KDM2B: variants seen among roughly 807,000 people sequenced by gnomAD.
KDM2B encodes lysine-specific demethylase 2B.
Under a neutral mutation model 150.0 loss-of-function variants are expected in KDM2B, and 26 were observed. That is an observed-to-expected ratio of 0.17 (90% CI 0.13 to 0.24). The LOEUF (loss-of-function observed/expected upper bound fraction) is 0.24, where lower values mean the gene tolerates loss of function less well. Ranked by LOEUF, KDM2B falls within the 10% of genes least tolerant of loss-of-function variation. KDM2B has a pLI of 1.00. For missense variants in KDM2B, 1,265 were observed against 1,816.9 expected (o/e 0.70, Z 5.52); for synonymous variants, 734 against 729.5 (o/e 1.01, Z -0.10).
chr12:121,557,948 C>T (rs1016941930), intron 4 of KDM2B, among the ~76,000 whole-genome samples: 2 of 152,154 alleles, frequency 1.3e-5, no homozygotes, highest in Admixed American at 6.6e-5. Context: ...CTGGTATAAG[C>T]GGATCACGGG....
rs782446879 is a variant in KDM2B at position 121,521,077 on chromosome 12, G to T, written c.955C>A (p.Pro319Thr). 6.2e-7 allele frequency: 1 copy of T among 1,613,496 alleles called. No individual in the cohort carries two copies. Among genetic ancestry groups the T allele is most frequent in the Admixed American group, 1.7e-5 (1 of 60,020 alleles). Residue 319 changes from proline to threonine, a missense_variant, in exon 9 of 23, where the codon CCT (proline) becomes ACT (threonine). Physicochemically the swap from Pro to Thr is conservative, Grantham distance 38. Transcript: ENST00000377071. This position sits in a 1 kb window ranked among gnomAD's most constrained non-coding sequence, Gnocchi z 4.9. ...PSGWIHAVYT[P>T]VDSLVFGGNI... ...CCGCCGAACACCAAAGAGTCTACAG[G>T]GGTGTAGACGGCATGGATCCAACCT...
downstream of KDM2B, among the ~76,000 whole-genome samples, chr12:121,426,376 T>A (rs1872511421): frequency 6.6e-6 from 1 of 152,010 alleles, no homozygotes; most frequent in Non-Finnish European, 1.5e-5. Flanking sequence ...GAAATTGGCT[T>A]GTTTGGCAGA....
chr12:121,423,188 G>A, the KDM2B span, among the ~76,000 whole-genome samples: 1 of 152,222 alleles, frequency 6.6e-6, no homozygotes, highest in Non-Finnish European at 1.5e-5. This position sits in a 1 kb window ranked among gnomAD's most constrained non-coding sequence, Gnocchi z 4.3. Context: ...AAACCCTGAG[G>A]TATAGCTTTT....
At chr12:121,496,465 T>G (rs1370318119) in intron 11 of KDM2B, among the ~76,000 whole-genome samples, 1 of 151,818 alleles carries the variant, frequency 6.6e-6, no homozygotes, top group Non-Finnish European at 1.5e-5. Context: ...TGACTCCAGC[T>G]TACTTCCAGT....
intron 6 of KDM2B, 91 bp from the exon 7 acceptor site, chr12:121,534,681 C>T: frequency 2.3e-6 from 2 of 866,790 alleles, no homozygotes; most frequent in Admixed American, 4.6e-5. Context: ...AACTGGTGCC[C>T]TTTTATAAAC....
chr12:121,453,880 C>T lies in KDM2B; in HGVS notation c.1735-536G>A, dbSNP rs1286300137. On this transcript the variant is annotated intron_variant, in intron 12 of 22. Transcript: ENST00000377071. This position sits in a 1 kb window ranked among gnomAD's most constrained non-coding sequence, Gnocchi z 6.4. ...ACGACAGAGGGCGCGTGCTTCTTGC[C>T]GCAGCACACAGCTCGAGACCTTCCA... is the stretch of plus-strand genomic sequence containing the variant. Among the ~76,000 whole-genome samples, 4 of 152,164 alleles carry T rather than the reference C, an allele frequency of 2.6e-5. No individual in the cohort carries two copies. The highest frequency in any genetic ancestry group is 7.2e-5 in the African/African-American group (3 of 41,430).
At chr12:121,514,116 G>A (rs138307866) in intron 9 of KDM2B, among the ~76,000 whole-genome samples, 6 of 152,216 alleles carry the variant, frequency 3.9e-5, no homozygotes, top group African/African-American at 1.2e-4. Flanking sequence ...ACACATCTCG[G>A]GTCTGGAGCA....
the KDM2B span, among the ~76,000 whole-genome samples, chr12:121,410,154 CA>C: frequency 6.7e-6 from 1 of 148,906 alleles, no homozygotes; most frequent in East Asian, 2.0e-4. Flanking sequence ...AACTCCGTCT[CA>C]AAAAAAAAGA....
intron 6 of KDM2B, among the ~76,000 whole-genome samples, chr12:121,544,283 G>C (rs1199889068): frequency 6.6e-6 from 1 of 151,934 alleles, no homozygotes; most frequent in Non-Finnish European, 1.5e-5. Flanking sequence ...AACAAAGCAA[G>C]ACTCTGTCTC....
Position 121,468,285 on chromosome 12 carries a change from T to C in KDM2B, c.1735-14941A>G, listed in dbSNP as rs1555295275. 1 of 152,140 alleles carries C rather than the reference T, an allele frequency of 6.6e-6. No individual in the cohort carries two copies. Among genetic ancestry groups the C allele is most frequent in the African/African-American group, 2.4e-5 (1 of 41,412 alleles). The allele number at this position is 152,140 out of a possible 1,614,324, so 9.4% of individuals were successfully genotyped here. On this transcript the variant is annotated intron_variant, in intron 12 of 22. Coordinates refer to ENST00000377071, the MANE Select transcript of KDM2B (RefSeq NM_032590.5). This position sits in a 1 kb window ranked among gnomAD's most constrained non-coding sequence, Gnocchi z 4.0. Reference sequence around the variant, plus strand: ...GCTGCAGCCCACTCCTGAAGAAAAGTGTTGCTAGAAATCCAGATAGATCTT... The same window carrying C: ...GCTGCAGCCCACTCCTGAAGAAAAGCGTTGCTAGAAATCCAGATAGATCTT...
intron 11 of KDM2B, among the ~76,000 whole-genome samples, chr12:121,495,861 G>A (rs918558104): frequency 2.6e-5 from 4 of 151,816 alleles, no homozygotes; most frequent in African/African-American, 7.3e-5. Context: ...ATGGAGTCAC[G>A]TGGCCAAATT....
At chr12:121,536,654 G>A (rs560547789) in intron 6 of KDM2B, among the ~76,000 whole-genome samples, 5 of 148,666 alleles carry the variant, frequency 3.4e-5, no homozygotes, top group African/African-American at 7.6e-5. Context: ...CCATCTCTTC[G>A]TCTTGGTTTT....
downstream of KDM2B, among the ~76,000 whole-genome samples, chr12:121,427,252 A>G (rs1302116657): frequency 5.9e-5 from 9 of 152,166 alleles, no homozygotes; most frequent in Non-Finnish European, 4.4e-5. Flanking sequence ...TTAAAAATAA[A>G]AGAGGCTGGG....
At chr12:121,532,420 G>A (rs1353693653) in intron 8 of KDM2B, among the ~76,000 whole-genome samples, 11 of 152,192 alleles carry the variant, frequency 7.2e-5, no homozygotes, top group Non-Finnish European at 7.3e-5. Flanking sequence ...ACGAAGAAGT[G>A]AAGTCACAGC....
At chr12:121,510,208 C>G (rs1437149780) in intron 10 of KDM2B, among the ~76,000 whole-genome samples, 169 bp from the exon 11 acceptor site, 1 of 152,230 alleles carries the variant, frequency 6.6e-6, no homozygotes, top group African/African-American at 2.4e-5. Flanking sequence ...GACGCAGGTT[C>G]AGATCCCCAC....
chr12:121,423,275 T>C, the KDM2B span: 4 of 720,912 alleles, frequency 5.5e-6, no homozygotes, highest in African/African-American at 1.8e-5. This position sits in a 1 kb window ranked among gnomAD's most constrained non-coding sequence, Gnocchi z 4.3. Flanking sequence ...TGGGGTGGCA[T>C]TGGGCCTGCA....
At position 121,433,243 on chromosome 12, in the gene KDM2B, G is replaced by A. The variant is rs186073591; in HGVS notation, c.3830-2774C>T. ...AAGACTTTCTTTGGTCCCTCTGTGC[G>A]TTAGAGTTCACTGCAGCCTGGTTTC... On this transcript the variant is annotated intron_variant, in intron 22 of 22. Coordinates refer to ENST00000377071, the MANE Select transcript of KDM2B (RefSeq NM_032590.5). 22 of 456,072 alleles carry A rather than the reference G, an allele frequency of 4.8e-5. 1 individual carries two copies. The highest frequency in any genetic ancestry group is 1.4e-4 in the East Asian group (2 of 14,360). The allele number at this position is 456,072 out of a possible 1,614,324, so 28.3% of individuals were successfully genotyped here.
intron 12 of KDM2B, among the ~76,000 whole-genome samples, chr12:121,474,246 G>A (rs1555296364): frequency 6.6e-6 from 1 of 152,170 alleles, no homozygotes; most frequent in Non-Finnish European, 1.5e-5. Context: ...GGGCACGGTG[G>A]CTCACACCTG....
At chr12:121,503,688 CA>C (rs554809400) in intron 11 of KDM2B, among the ~76,000 whole-genome samples, 24 of 152,198 alleles carry the variant, frequency 1.6e-4, no homozygotes, top group Non-Finnish European at 2.8e-4. Flanking sequence ...AGAGAAAGGG[CA>C]GGGGAAGTGT....
Sources: allele counts gnomAD v4.1 joint callset (sites outside exome capture counted in the v4.1 genomes callset), GRCh38; gene constraint gnomAD v4.1.1; non-coding constraint Gnocchi (gnomAD v3.1); transcripts MANE v1.5; gene names NCBI Gene and HGNC (gene_info 2026-07-23, HGNC 2026-07-21).